Variants in CATSPER3 observed in about 807,000 individuals in gnomAD.
CATSPER3 encodes cation channel sperm-associated protein 3.
CATSPER3 carries 23 observed loss-of-function variants against 36.6 expected under a neutral mutation model. The ratio of observed to expected loss-of-function variants is 0.63; its 90% CI spans 0.45 to 0.89. The LOEUF is 0.89. Ranked by LOEUF, CATSPER3 falls within the 40% of genes least tolerant of loss-of-function variation. The pLI is 0.00. For synonymous variants in CATSPER3, 172 were observed against 184.1 expected (o/e 0.93, Z 0.53); for missense variants, 474 against 503.9 (o/e 0.94, Z 0.57).
chr5:134,988,671 A>C (rs1751842203), intron 2 of CATSPER3, among the ~76,000 whole-genome samples: 2 of 152,128 alleles, frequency 1.3e-5, no homozygotes, highest in Non-Finnish European at 2.9e-5. Flanking sequence ...TCCATTTCTA[A>C]TTCTAGTTCA....
chr5:134,976,051 CAT>C (rs1264937333), intron 2 of CATSPER3, among the ~76,000 whole-genome samples: 3 of 152,172 alleles, frequency 2.0e-5, no homozygotes, highest in African/African-American at 7.2e-5. Flanking sequence ...TGATCTCACT[CAT>C]GTGGAATCTA....
At chr5:134,979,018 A>G (rs1469871982) in intron 2 of CATSPER3, among the ~76,000 whole-genome samples, 1 of 152,026 alleles carries the variant, frequency 6.6e-6, no homozygotes, top group Non-Finnish European at 1.5e-5. Context: ...CACCGTGCCC[A>G]GCCAGTTTTG....
chr5:134,985,599 C>T (rs1580906724), intron 2 of CATSPER3, among the ~76,000 whole-genome samples: 2 of 152,094 alleles, frequency 1.3e-5, no homozygotes, highest in South Asian at 4.1e-4. Flanking sequence ...AACCAAAAAC[C>T]ATGTGTACCC....
At position 134,996,381 on chromosome 5, in the gene CATSPER3, A is replaced by C. The variant is rs376472509; in HGVS notation, c.361A>C (p.Ile121Leu). 1 of 1,614,240 alleles carries C rather than the reference A, an allele frequency of 6.2e-7. No homozygotes were observed. Among genetic ancestry groups the C allele is most frequent in the Non-Finnish European group, 8.5e-7 (1 of 1,180,032 alleles). Residue 121 changes from isoleucine to leucine, a missense_variant, in exon 3 of 8, where the codon ATT becomes CTT. Coordinates refer to ENST00000282611, the MANE Select transcript of CATSPER3 (RefSeq NM_178019.3). The part of the protein sequence containing the change: ...KNGYNLLDVI[I>L]IIVMFLPYAL... ...CGGCTACAACCTGCTGGATGTGATC[A>C]TTATCATCGTTATGTTTTTACCCTA...
At chr5:134,997,118 G>A (rs747605677) in intron 3 of CATSPER3, among the ~76,000 whole-genome samples, 17 of 152,226 alleles carry the variant, frequency 1.1e-4, no homozygotes, top group Non-Finnish European at 2.2e-4. Flanking sequence ...CCTGTGCACC[G>A]TAGGTTCACC....
In CATSPER3 at chr5:134,996,387, A is replaced by T; in HGVS notation, c.367A>T (p.Ile123Phe). Residue 123 changes from isoleucine to phenylalanine, a missense_variant, in exon 3 of 8, where the codon ATC (isoleucine) becomes TTC (phenylalanine). By Grantham distance (21) the Ile-to-Phe change is conservative. Transcript: ENST00000282611. ...GYNLLDVIII[I>F]VMFLPYALRQ... ...CAACCTGCTGGATGTGATCATTATCATCGTTATGTTTTTACCCTATGCCCT... is the reference window on the plus strand; with the variant it reads ...CAACCTGCTGGATGTGATCATTATCTTCGTTATGTTTTTACCCTATGCCCT... 1 of 1,614,268 alleles carries T rather than the reference A, an allele frequency of 6.2e-7. No individual in the cohort carries two copies. The highest frequency in any genetic ancestry group is 2.2e-5 in the East Asian group (1 of 44,896).
chr5:135,003,125 G>C (rs920652579), intron 3 of CATSPER3, among the ~76,000 whole-genome samples: 8 of 152,094 alleles, frequency 5.3e-5, no homozygotes, highest in African/African-American at 1.4e-4. Flanking sequence ...TTACAGATGG[G>C]GTTTTGGTGT....
chr5:134,996,199 C>T (rs963296166), intron 2 of CATSPER3, 74 bp from the exon 3 acceptor site: 4 of 1,603,952 alleles, frequency 2.5e-6, no homozygotes, highest in Non-Finnish European at 3.4e-6. Context: ...TTCCGGGGCT[C>T]ACGCAGGGAG....
chr5:134,998,019 C>T (rs1033321229), intron 3 of CATSPER3, among the ~76,000 whole-genome samples: 2 of 152,108 alleles, frequency 1.3e-5, no homozygotes, highest in African/African-American at 4.8e-5. Context: ...GTGTGCTGCA[C>T]CCATTAACTT....
chr5:134,987,281 C>G (rs909663799), intron 2 of CATSPER3, among the ~76,000 whole-genome samples: 1 of 152,094 alleles, frequency 6.6e-6, no homozygotes, highest in Non-Finnish European at 1.5e-5. Flanking sequence ...ACACAATTGA[C>G]TTAAGAAGAA....
At chr5:134,985,970 C>A (rs1751803372) in intron 2 of CATSPER3, among the ~76,000 whole-genome samples, 1 of 151,832 alleles carries the variant, frequency 6.6e-6, no homozygotes, top group Non-Finnish European at 1.5e-5. Flanking sequence ...AAAAGAAACA[C>A]ACACACAAGA....
chr5:134,996,074 G>A (rs1369331188), intron 2 of CATSPER3, among the ~76,000 whole-genome samples, 199 bp from the exon 3 acceptor site: 1 of 152,158 alleles, frequency 6.6e-6, no homozygotes, highest in Non-Finnish European at 1.5e-5. Context: ...CAGGTGTAGG[G>A]CCACGGGGTA....
intron 2 of CATSPER3, among the ~76,000 whole-genome samples, chr5:134,980,165 A>G (rs911788887): frequency 5.3e-5 from 8 of 151,762 alleles, no homozygotes; most frequent in Admixed American, 5.3e-4. Context: ...AATTTTTTGT[A>G]GAGATGGGGT....
chr5:134,981,715 G>A (rs1031598887), intron 2 of CATSPER3, among the ~76,000 whole-genome samples: 3 of 152,120 alleles, frequency 2.0e-5, no homozygotes, highest in African/African-American at 7.2e-5. Flanking sequence ...AAAACATTTG[G>A]TTTTCAACAA....
At chr5:134,995,596 A>G (rs1267927025) in intron 2 of CATSPER3, 1 of 159,566 alleles carries the variant, frequency 6.3e-6, no homozygotes, top group South Asian at 1.8e-4. Context: ...TGCCTTACTC[A>G]TTGTTGCATT....
chr5:134,994,932 T>TC (rs1185839078), intron 2 of CATSPER3, among the ~76,000 whole-genome samples: 1 of 149,584 alleles, frequency 6.7e-6, no homozygotes, highest in Non-Finnish European at 1.5e-5. Context: ...CCTCCCTACC[T>TC]CCCTCCCTTC....
At chr5:134,977,680 A>G (rs945155277) in intron 2 of CATSPER3, among the ~76,000 whole-genome samples, 1 of 152,090 alleles carries the variant, frequency 6.6e-6, no homozygotes, top group East Asian at 1.9e-4. Context: ...AGGTACCTTT[A>G]TATCGGTACC....
At chr5:134,971,594 G>A (rs1046061899) in intron 2 of CATSPER3, among the ~76,000 whole-genome samples, 1 of 152,114 alleles carries the variant, frequency 6.6e-6, no homozygotes. Context: ...AAAGTGTGAT[G>A]GGCTGATGTG....
rs959964480 is a variant in CATSPER3 at position 134,996,521 on chromosome 5, A to T, written c.492+9A>T. On this transcript the variant is annotated intron_variant, in intron 3 of 7. Coordinates refer to ENST00000282611, the MANE Select transcript of CATSPER3 (RefSeq NM_178019.3). ...ATAGCCAGGGCATCCGGGTGAGTGC[A>T]CTGGGGGTGTCATGGTGCTGGGAGG... 3.1e-6 allele frequency: 5 copies of T among 1,613,538 alleles called. No homozygotes were observed. Among genetic ancestry groups the T allele is most frequent in the Non-Finnish European group, 4.2e-6 (5 of 1,179,860 alleles).
Sources: allele counts gnomAD v4.1 joint callset (sites outside exome capture counted in the v4.1 genomes callset), GRCh38; gene constraint gnomAD v4.1.1; transcripts MANE v1.5; gene names NCBI Gene and HGNC (gene_info 2026-07-23, HGNC 2026-07-21).